The following THSD7A variants were observed in gnomAD, a reference collection of about 807,000 sequenced individuals.
THSD7A encodes the protein thrombospondin type-1 domain-containing protein 7A.
Under a neutral mutation model 231.3 loss-of-function variants are expected in THSD7A, and 96 were observed. The observed-to-expected ratio is 0.41, with a 90% CI of 0.35 to 0.49. THSD7A has a LOEUF of 0.49. Among genes scored for constraint, THSD7A ranks in the 20% least tolerant of loss-of-function variants. The pLI is 0.05. For missense variants in THSD7A, 2,290 were observed against 2,070.2 expected (o/e 1.11, Z -2.06); for synonymous variants, 940 against 743.3 (o/e 1.26, Z -4.30).
intron 1 of THSD7A, among the ~76,000 whole-genome samples, chr7:11,795,856 G>A (rs1216199024): frequency 6.6e-6 from 1 of 151,456 alleles, no homozygotes; most frequent in Non-Finnish European, 1.5e-5. Flanking sequence ...CGAGGAGTCA[G>A]CAAACAACTA....
intron 1 of THSD7A, among the ~76,000 whole-genome samples, chr7:11,754,850 T>C (rs1203177319): frequency 6.6e-6 from 1 of 152,108 alleles, no homozygotes; most frequent in Non-Finnish European, 1.5e-5. Flanking sequence ...AAGAATATAA[T>C]AATAGAACTA....
intron 1 of THSD7A, among the ~76,000 whole-genome samples, chr7:11,776,387 T>C (rs1288085820): frequency 1.3e-5 from 2 of 152,066 alleles, no homozygotes; most frequent in African/African-American, 4.8e-5. Context: ...GCAAGGAAAA[T>C]GTTGAAGGCT....
intron 6 of THSD7A, among the ~76,000 whole-genome samples, chr7:11,487,163 A>G (rs2128306325): frequency 6.6e-6 from 1 of 152,246 alleles, no homozygotes; most frequent in South Asian, 2.1e-4. Context: ...GTCTATTTTC[A>G]TGAATGCCAC....
chr7:11,445,895 T>C (rs1377224384), intron 13 of THSD7A, among the ~76,000 whole-genome samples, 166 bp downstream of exon 13: 1 of 152,064 alleles, frequency 6.6e-6, no homozygotes, highest in African/African-American at 2.4e-5. Flanking sequence ...GGCAATGCCA[T>C]TGAATGTCCT....
chr7:11,602,613 T>C (rs1428633291), intron 2 of THSD7A, among the ~76,000 whole-genome samples: 1 of 151,948 alleles, frequency 6.6e-6, no homozygotes, highest in Non-Finnish European at 1.5e-5. Context: ...AGAAAATGGA[T>C]TTTTCCTTGG....
intron 6 of THSD7A, among the ~76,000 whole-genome samples, chr7:11,512,105 C>T (rs1239206950): frequency 6.6e-6 from 1 of 152,000 alleles, no homozygotes; most frequent in Non-Finnish European, 1.5e-5. Flanking sequence ...TCAAACAACC[C>T]CATCAAAAAG....
At chr7:11,651,032 A>G (rs1782480455) in intron 1 of THSD7A, among the ~76,000 whole-genome samples, 1 of 152,038 alleles carries the variant, frequency 6.6e-6, no homozygotes, top group Non-Finnish European at 1.5e-5. Flanking sequence ...AGCAAACACT[A>G]CCAAAAGTGG....
chr7:11,445,277 ACTT>A (rs1286586759), intron 13 of THSD7A, among the ~76,000 whole-genome samples: 1 of 151,982 alleles, frequency 6.6e-6, no homozygotes, highest in Non-Finnish European at 1.5e-5. Flanking sequence ...CCCACTGTAA[ACTT>A]CTTTCATTCC....
At chr7:11,380,027 G>T (rs1018462783) in intron 24 of THSD7A, among the ~76,000 whole-genome samples, 8 of 152,154 alleles carry the variant, frequency 5.3e-5, no homozygotes, top group African/African-American at 1.9e-4. Context: ...AGGAGCACAT[G>T]AATCCAAGTC....
intron 6 of THSD7A, among the ~76,000 whole-genome samples, chr7:11,489,520 A>G (rs1302023080): frequency 6.6e-6 from 1 of 152,110 alleles, no homozygotes; most frequent in Non-Finnish European, 1.5e-5. Context: ...GGTCTTTGAA[A>G]TTTTAACATT....
intron 1 of THSD7A, among the ~76,000 whole-genome samples, chr7:11,783,604 T>A (rs950772189): frequency 1.3e-5 from 2 of 152,154 alleles, no homozygotes; most frequent in East Asian, 1.9e-4. Flanking sequence ...TTTGGCCTCA[T>A]GCATAGGCAG....
rs773394409 is a variant in THSD7A at position 11,831,855 on chromosome 7, G to GGCAGCGGCA, written c.83_91dup (p.Leu28_Leu30dup). 8.0e-7 allele frequency: 1 copy of GGCAGCGGCA among 1,247,856 alleles called. No homozygotes were observed. Among genetic ancestry groups the GGCAGCGGCA allele is most frequent in the East Asian group, 3.5e-5 (1 of 28,638 alleles). 77.3% of individuals were successfully genotyped at this position (1,247,856 alleles called of 1,614,324 possible). A position where few individuals can be genotyped will look rare whatever the true frequency, so the allele number is the denominator to read the frequency against. On this transcript the variant is annotated inframe_insertion, in exon 1 of 28. Transcript: ENST00000423059. The surrounding 1 kb of genome is among the most constrained non-coding windows in gnomAD (Gnocchi z 5.0). The stretch of plus-strand genomic sequence containing the variant: ...CAGCAGCAGCAGGAGCAGCGGCAGC[G>GGCAGCGGCA]GCAGCGGCAGCGGCAGCAGCTGCAG...
At chr7:11,435,624 C>A (rs374857900) in intron 13 of THSD7A, among the ~76,000 whole-genome samples, 1 of 152,020 alleles carries the variant, frequency 6.6e-6, no homozygotes, top group Admixed American at 6.6e-5. Flanking sequence ...CCTGCCTCCA[C>A]TAAAGAGATT....
intron 22 of THSD7A, among the ~76,000 whole-genome samples, chr7:11,405,977 A>G (rs914659765): frequency 5.3e-5 from 8 of 152,080 alleles, no homozygotes; most frequent in African/African-American, 1.9e-4. Context: ...CGAATAGGTT[A>G]TGTTTTGTCC....
intron 1 of THSD7A, among the ~76,000 whole-genome samples, chr7:11,777,405 T>C (rs879827869): frequency 6.9e-6 from 1 of 144,342 alleles, no homozygotes; most frequent in Non-Finnish European, 1.5e-5. Flanking sequence ...GTTTCAGATG[T>C]AAATTAAGTA....
chr7:11,592,039 T>G (rs1189373005), intron 3 of THSD7A, among the ~76,000 whole-genome samples: 1 of 152,162 alleles, frequency 6.6e-6, no homozygotes, highest in African/African-American at 2.4e-5. Flanking sequence ...AATAAAGCAC[T>G]TAGCTTGCAA....
intron 1 of THSD7A, among the ~76,000 whole-genome samples, chr7:11,686,691 T>C (rs73294558): frequency 0.11 from 16,152 of 151,898 alleles, 871 homozygotes; most frequent in African/African-American, 0.14. Flanking sequence ...GCAACATGAA[T>C]GCAGCTGGAG....
chr7:11,821,294 C>A, intron 1 of THSD7A: 1 of 906,968 alleles, frequency 1.1e-6, no homozygotes, highest in South Asian at 1.3e-5. Flanking sequence ...GAACGAAACT[C>A]CTATTGGAAA....
intron 1 of THSD7A, among the ~76,000 whole-genome samples, chr7:11,651,044 A>G (rs1324978468): frequency 6.6e-6 from 1 of 152,040 alleles, no homozygotes; most frequent in African/African-American, 2.4e-5. Context: ...CAAAAGTGGA[A>G]ACAATCCAAA....
Sources: allele counts gnomAD v4.1 joint callset (sites outside exome capture counted in the v4.1 genomes callset), GRCh38; gene constraint gnomAD v4.1.1; non-coding constraint Gnocchi (gnomAD v3.1); transcripts MANE v1.5; gene names NCBI Gene and HGNC (gene_info 2026-07-23, HGNC 2026-07-21).